MERTK: variants seen among roughly 807,000 people sequenced by gnomAD.
MERTK encodes tyrosine-protein kinase Mer.
MERTK carries 69 observed loss-of-function variants against 99.3 expected under a neutral mutation model. The observed-to-expected ratio is 0.70, with a 90% CI of 0.57 to 0.85. The LOEUF is 0.85. Among genes scored for constraint, MERTK ranks in the 40% least tolerant of loss-of-function variants. MERTK has a pLI of 0.00. For missense variants in MERTK, 1,125 were observed against 1,249.4 expected (o/e 0.90, Z 1.50); for synonymous variants, 426 against 467.6 (o/e 0.91, Z 1.15).
chr2:111,944,728 A>G (rs1684932488), intron 2 of MERTK, among the ~76,000 whole-genome samples: 1 of 152,184 alleles, frequency 6.6e-6, no homozygotes, highest in Non-Finnish European at 1.5e-5. Flanking sequence ...ATGAAGAGTA[A>G]TGTGCTTTAC....
At chr2:112,018,985 G>A (rs1399794926) in intron 15 of MERTK, among the ~76,000 whole-genome samples, 2 of 150,986 alleles carry the variant, frequency 1.3e-5, no homozygotes, top group Non-Finnish European at 2.9e-5. Flanking sequence ...ATCCTAAGTG[G>A]ACTTTTCCCC....
intron 4 of MERTK, among the ~76,000 whole-genome samples, chr2:111,954,423 T>C (rs544514590): frequency 9.2e-5 from 14 of 152,294 alleles, no homozygotes; most frequent in Non-Finnish European, 1.8e-4. Flanking sequence ...CTCTATCTAT[T>C]TGTCAGGCCT....
chr2:111,996,581 T>C (rs1676749158), intron 9 of MERTK: 1 of 155,776 alleles, frequency 6.4e-6, no homozygotes, highest in Middle Eastern at 5.2e-4. Flanking sequence ...TTGAATTGAA[T>C]GCAAGACTGT....
chr2:111,907,780 A>G (rs1684163803), intron 1 of MERTK, among the ~76,000 whole-genome samples: 1 of 152,230 alleles, frequency 6.6e-6, no homozygotes. Flanking sequence ...ATATTTTGTG[A>G]TATAAACTGT....
At chr2:111,965,153 T>G in intron 4 of MERTK, 38 bp from the exon 5 acceptor site, 1 of 1,552,156 alleles carries the variant, frequency 6.4e-7, no homozygotes, top group Non-Finnish European at 8.9e-7. Flanking sequence ...GCAGCCTGTT[T>G]CTCTGCTGCT....
intron 14 of MERTK, chr2:112,008,916 T>A (rs574430102): frequency 9.0e-4 from 238 of 263,806 alleles, no homozygotes; most frequent in African/African-American, 5.1e-3. Context: ...TTTCTTAAGA[T>A]CATGATACAT....
chr2:111,940,371 G>A, intron 2 of MERTK: 1 of 526,458 alleles, frequency 1.9e-6, no homozygotes, highest in South Asian at 1.5e-5. Context: ...CAGCTGCTAT[G>A]GCTTCATTAA....
chr2:111,912,966 C>A (rs890749582), intron 1 of MERTK: 18 of 913,510 alleles, frequency 2.0e-5, no homozygotes, highest in Non-Finnish European at 2.2e-5. Flanking sequence ...ACCTCAGGAT[C>A]CTCATCTATG....
chr2:111,963,698 G>A (rs918349453), intron 4 of MERTK, among the ~76,000 whole-genome samples: 3 of 152,166 alleles, frequency 2.0e-5, no homozygotes, highest in Admixed American at 6.5e-5. Flanking sequence ...CAGATTAACA[G>A]CATCTCAAGG....
In MERTK at chr2:112,019,466, G is replaced by A. The variant is rs1326352012; in HGVS notation, c.2133G>A (p.Met711Ile). The A allele has an allele frequency of 1.9e-6, 3 of 1,613,896 alleles. No homozygotes were observed. Among genetic ancestry groups the A allele is most frequent in the Non-Finnish European group, 2.5e-6 (3 of 1,179,916 alleles). Residue 711 changes from methionine to isoleucine, a missense_variant, in exon 16 of 19, where the codon ATG becomes ATA. Transcript: ENST00000295408. ...LKFMVDIALG[M>I]EYLSNRNFLH... ...TCATGGTGGATATTGCCCTGGGAAT[G>A]GAGTATCTGAGCAACAGGAATTTTC... is the stretch of plus-strand genomic sequence containing the variant.
At chr2:111,929,032 C>G in intron 1 of MERTK, 88 bp from the exon 2 acceptor site, 1 of 1,380,838 alleles carries the variant, frequency 7.2e-7, no homozygotes, top group South Asian at 1.2e-5. Context: ...CACCCCAGTG[C>G]TCTCTCTTCT....
At position 112,006,370 on chromosome 2, in the gene MERTK, G is replaced by A. The variant is rs1056945413; in HGVS notation, c.1868-2013G>A. Among the ~76,000 whole-genome samples the A allele has an allele frequency of 2.6e-5, 4 of 152,072 alleles. No individual in the cohort carries two copies. The East Asian group carries it at 5.8e-4, about 22-fold the overall frequency. ...AGAGAAAATGAACATAACTAAAAAG[G>A]AGGTTCAGGAACTAGCCCCCAGAAA... is the stretch of plus-strand genomic sequence containing the variant. On this transcript the variant is annotated intron_variant, in intron 13 of 18. Coordinates refer to ENST00000295408, the MANE Select transcript of MERTK (RefSeq NM_006343.3).
Position 111,975,343 on chromosome 2 carries a change from G to C in MERTK, c.1015G>C (p.Ala339Pro). The change falls in exon 7 of 19, where the codon GCC becomes CCC. Residue 339 changes from alanine to proline, a missense_variant. Coordinates refer to ENST00000295408, the MANE Select transcript of MERTK (RefSeq NM_006343.3). ...CTCAGTCATGATTTTTAACACCTCT[G>C]CCTTACCACATCTGTACCAAATCAA... ...NGSVMIFNTS[A>P]LPHLYQIKQL... is the part of the protein sequence containing the mutation. The C allele has an allele frequency of 6.2e-7, 1 of 1,614,160 alleles. No individual in the cohort carries two copies. Among genetic ancestry groups the C allele is most frequent in the Non-Finnish European group, 8.5e-7 (1 of 1,180,020 alleles).
rs764140302 is a variant in MERTK at position 112,028,559 on chromosome 2, C to G, written c.2695C>G (p.Pro899Ala). Residue 899 changes from proline (P) to alanine (A), a missense_variant, in exon 19 of 19, where the codon CCT (proline) becomes GCT (alanine). Coordinates refer to ENST00000295408, the MANE Select transcript of MERTK (RefSeq NM_006343.3). Reference sequence around the variant, plus strand: ...TGCTCCACTGGACTTGAACATCGACCCTGACTCTATAATTGCCTCCTGCAC... The same window carrying G: ...TGCTCCACTGGACTTGAACATCGACGCTGACTCTATAATTGCCTCCTGCAC... ...TLAPLDLNID[P>A]DSIIASCTPR... The G allele has an allele frequency of 2.7e-5, 44 of 1,614,032 alleles. No individual in the cohort carries two copies. The highest frequency in any genetic ancestry group is 3.6e-5 in the Non-Finnish European group (43 of 1,180,036).
At chr2:111,899,330 C>CGG (rs141041010) in intron 1 of MERTK, among the ~76,000 whole-genome samples, 10 of 151,934 alleles carry the variant, frequency 6.6e-5, no homozygotes, top group Admixed American at 5.2e-4. Flanking sequence ...AGCGACGGGC[C>CGG]AGGGGGGGAC....
intron 10 of MERTK, among the ~76,000 whole-genome samples, chr2:112,000,663 C>T (rs1676850060): frequency 6.6e-6 from 1 of 152,164 alleles, no homozygotes; most frequent in South Asian, 2.1e-4. Context: ...ACATTGATCA[C>T]CTGGCTGAAG....
At chr2:111,997,245 C>T in intron 9 of MERTK, 78 bp from the exon 10 acceptor site, 1 of 1,480,310 alleles carries the variant, frequency 6.8e-7, no homozygotes, top group Non-Finnish European at 9.5e-7. Context: ...AAAGCTTTGA[C>T]TATTTGTTCT....
chr2:112,001,748 G>T (rs1427780445), intron 11 of MERTK, among the ~76,000 whole-genome samples: 1 of 152,172 alleles, frequency 6.6e-6, no homozygotes, highest in African/African-American at 2.4e-5. Flanking sequence ...GAAATAAACA[G>T]ACACTAGTGT....
chr2:112,021,429 G>C lies in MERTK; in HGVS notation c.2197G>C (p.Asp733His), dbSNP rs201840939. ...DLAARNCMLR[D>H]DMTVCVADFG... ...GTAACCTGCTCTCTGTAGGTTGCGA[G>C]ATGACATGACTGTCTGTGTTGCGGA... Residue 733 changes from aspartate to histidine, a missense_variant, in exon 17 of 19, where the codon GAT becomes CAT. Coordinates refer to ENST00000295408, the MANE Select transcript of MERTK (RefSeq NM_006343.3). 2.5e-6 allele frequency: 4 copies of C among 1,613,310 alleles called. No homozygotes were observed. Among genetic ancestry groups the C allele is most frequent in the Non-Finnish European group, 3.4e-6 (4 of 1,179,866 alleles).
Sources: allele counts gnomAD v4.1 joint callset (sites outside exome capture counted in the v4.1 genomes callset), GRCh38; gene constraint gnomAD v4.1.1; transcripts MANE v1.5; gene names NCBI Gene and HGNC (gene_info 2026-07-23, HGNC 2026-07-21).